The following CTNNA3 variants were observed in gnomAD, a reference collection of about 807,000 sequenced individuals.
CTNNA3 encodes the protein catenin alpha 3.
In CTNNA3, 76 loss-of-function variants were observed where a neutral mutation model predicts 95.7. The ratio of observed to expected loss-of-function variants is 0.79; its 90% CI spans 0.66 to 0.96. The LOEUF (loss-of-function observed/expected upper bound fraction) is 0.96, where lower values mean the gene tolerates loss of function less well. Among genes scored for constraint, CTNNA3 ranks in the 40% least tolerant of loss-of-function variants. CTNNA3 has a pLI of 0.00. For synonymous variants in CTNNA3, 431 were observed against 374.4 expected, an observed-to-expected ratio of 1.15 and a Z score of -1.74; for missense variants, 1,191 against 1,089.8, an observed-to-expected ratio of 1.09 and a Z score of -1.31.
chr10:66,385,485 G>A (rs936579445), intron 11 of CTNNA3, among the ~76,000 whole-genome samples: 3 of 152,112 alleles, frequency 2.0e-5, no homozygotes, highest in African/African-American at 7.2e-5. Flanking sequence ...GGACCAGAAG[G>A]ATTCACAGCC....
At chr10:66,890,190 A>C in intron 7 of CTNNA3, among the ~76,000 whole-genome samples, 1 of 152,176 alleles carries the variant, frequency 6.6e-6, no homozygotes, top group East Asian at 1.9e-4. Flanking sequence ...GATGCAGAAT[A>C]GATAGATAAA....
At chr10:67,140,156 T>C (rs1222774882) in intron 7 of CTNNA3, among the ~76,000 whole-genome samples, 2 of 152,188 alleles carry the variant, frequency 1.3e-5, no homozygotes, top group Non-Finnish European at 1.5e-5. Flanking sequence ...AACACATATC[T>C]ACATTTATTC....
intron 7 of CTNNA3, among the ~76,000 whole-genome samples, chr10:66,863,983 G>T (rs1011521611): frequency 3.3e-5 from 5 of 152,012 alleles, no homozygotes; most frequent in African/African-American, 4.8e-5. Context: ...TTTATTTTGT[G>T]TCAATTTCTA....
At chr10:66,715,230 T>C (rs771088933) in intron 9 of CTNNA3, among the ~76,000 whole-genome samples, 1 of 152,096 alleles carries the variant, frequency 6.6e-6, no homozygotes, top group African/African-American at 2.4e-5. Context: ...CTCCAGCTCT[T>C]TAAAAGGAAA....
At chr10:66,433,776 G>A (rs1163242275) in intron 11 of CTNNA3, among the ~76,000 whole-genome samples, 3 of 152,142 alleles carry the variant, frequency 2.0e-5, no homozygotes, top group Non-Finnish European at 1.5e-5. Context: ...ATGGTTTTAG[G>A]TCTTACCTTT....
At chr10:66,617,181 T>C (rs1347475568) in intron 10 of CTNNA3, among the ~76,000 whole-genome samples, 1 of 151,966 alleles carries the variant, frequency 6.6e-6, no homozygotes, top group South Asian at 2.1e-4. Flanking sequence ...TAACTTCAGG[T>C]TGTGATATAG....
intron 12 of CTNNA3, among the ~76,000 whole-genome samples, chr10:66,327,230 C>T (rs1163735723): frequency 2.6e-5 from 4 of 152,026 alleles, no homozygotes; most frequent in Admixed American, 2.6e-4. Context: ...TAAAAGCCAG[C>T]AACTGTGAAT....
intron 11 of CTNNA3, among the ~76,000 whole-genome samples, chr10:66,508,608 T>C (rs1028962896): frequency 5.3e-5 from 8 of 152,110 alleles, no homozygotes; most frequent in Non-Finnish European, 8.8e-5. Flanking sequence ...ATTTTCCTTT[T>C]TTAAAGCTTT....
At chr10:65,951,914 C>T (rs2077622600) in intron 17 of CTNNA3, among the ~76,000 whole-genome samples, 1 of 151,426 alleles carries the variant, frequency 6.6e-6, no homozygotes, top group African/African-American at 2.4e-5. Flanking sequence ...CCTGTAGTCC[C>T]AGCTACTTAG....
rs181930241 is a variant in CTNNA3 at position 66,007,598 on chromosome 10, C to T, written c.2160-18801G>A. ...AATTTGTGCCTCAGGAAAAAATAGA[C>T]TAACACCATACTTAAATATTTGGAC... On this transcript the variant is annotated intron_variant, in intron 15 of 17. Transcript: ENST00000433211. Among the ~76,000 whole-genome samples, 5 of 152,276 alleles carry T rather than the reference C, an allele frequency of 3.3e-5. No homozygotes were observed. In the East Asian group the frequency reaches 7.7e-4, roughly 24 times the overall value.
chr10:66,261,556 T>C (rs1003055905), intron 13 of CTNNA3, among the ~76,000 whole-genome samples: 1 of 152,118 alleles, frequency 6.6e-6, no homozygotes, highest in Non-Finnish European at 1.5e-5. Context: ...TTGAAGGCAT[T>C]CTCAGGGGTT....
intron 7 of CTNNA3, among the ~76,000 whole-genome samples, chr10:67,114,386 A>G (rs2131977514): frequency 6.6e-6 from 1 of 152,248 alleles, no homozygotes; most frequent in South Asian, 2.1e-4. Context: ...ATGTCTCCTT[A>G]ACAGAGTGAA....
Position 67,383,248 on chromosome 10 carries a change from T to C in CTNNA3, c.579+138594A>G, listed in dbSNP as rs544443936. On this transcript the variant is annotated intron_variant, in intron 5 of 17. Coordinates refer to ENST00000433211, the MANE Select transcript of CTNNA3 (RefSeq NM_013266.4). ...AATTTCTAAACAGGAAGTATAATGT[T>C]CTCATTCATCTATTTATTCATTTAT... Among the ~76,000 whole-genome samples, 137 of 152,280 alleles carry C rather than the reference T, an allele frequency of 9.0e-4. 1 individual carries two copies. Among genetic ancestry groups the C allele is most frequent in the African/African-American group, 3.1e-3 (130 of 41,544 alleles).
chr10:67,273,888 G>C (rs1214101877), intron 5 of CTNNA3, among the ~76,000 whole-genome samples: 2 of 152,190 alleles, frequency 1.3e-5, no homozygotes, highest in African/African-American at 4.8e-5. Context: ...GAAAAGGTGA[G>C]AATAGTGGTT....
At chr10:66,373,825 T>C (rs1041468133) in intron 12 of CTNNA3, among the ~76,000 whole-genome samples, 5 of 152,218 alleles carry the variant, frequency 3.3e-5, no homozygotes, top group East Asian at 1.9e-4. Context: ...TTGTAAGTAA[T>C]TGAATACACA....
chr10:67,246,784 A>G (rs989485145), intron 5 of CTNNA3, among the ~76,000 whole-genome samples: 1 of 152,168 alleles, frequency 6.6e-6, no homozygotes, highest in Non-Finnish European at 1.5e-5. Flanking sequence ...TAAATAGGGA[A>G]AAATTCCTTT....
chr10:66,210,279 C>G (rs755130797), intron 13 of CTNNA3, among the ~76,000 whole-genome samples: 1 of 150,856 alleles, frequency 6.6e-6, no homozygotes, highest in Non-Finnish European at 1.5e-5. Context: ...GAAAAAATGG[C>G]AATGATAGTG....
intron 7 of CTNNA3, among the ~76,000 whole-genome samples, chr10:66,945,792 T>C (rs928031878): frequency 2.6e-5 from 4 of 152,148 alleles, no homozygotes; most frequent in African/African-American, 7.2e-5. Context: ...GGGTTATTAA[T>C]GGGTGAAATT....
intron 7 of CTNNA3, among the ~76,000 whole-genome samples, chr10:67,124,748 T>G (rs745549762): frequency 3.3e-5 from 5 of 152,220 alleles, no homozygotes; most frequent in Non-Finnish European, 7.3e-5. Flanking sequence ...CTTACTTAAA[T>G]TAATCATGAA....
Sources: allele counts gnomAD v4.1 joint callset (sites outside exome capture counted in the v4.1 genomes callset), GRCh38; gene constraint gnomAD v4.1.1; transcripts MANE v1.5; gene names NCBI Gene and HGNC (gene_info 2026-07-23, HGNC 2026-07-21).